LRP12: variants seen among roughly 807,000 people sequenced by gnomAD.
The protein encoded by LRP12 is low-density lipoprotein receptor-related protein 12.
In LRP12, 14 loss-of-function variants were observed where a neutral mutation model predicts 66.0. That is an observed-to-expected ratio of 0.21 (90% confidence interval 0.14 to 0.33). LRP12 has a LOEUF of 0.33. Ranked by LOEUF, LRP12 falls within the 10% of genes least tolerant of loss-of-function variation. The probability of loss-of-function intolerance (pLI) is 1.00; values close to 1 mark genes in which losing one functional copy is unlikely to be tolerated. For missense variants in LRP12, 889 were observed against 1,053.4 expected (o/e 0.84, Z 2.16); for synonymous variants, 357 against 359.1 (o/e 0.99, Z 0.07).
intron 1 of LRP12, among the ~76,000 whole-genome samples, chr8:104,560,373 T>C (rs150570789): frequency 6.8e-4 from 104 of 151,910 alleles, no homozygotes; most frequent in African/African-American, 2.1e-3. Context: ...TGCTTAGATA[T>C]AGTGGAAACA....
At position 104,588,964 on chromosome 8, in the gene LRP12, A is replaced by ACGCCGACGCCGC. The variant is rs1554712969; in HGVS notation, c.-79_-68dup. ...AGGGAGGAGAAGCTGGAGGTAGACGACGCCGACGCCGCCGCCGCCGCCGCC... is the reference window on the plus strand; with the variant it reads ...AGGGAGGAGAAGCTGGAGGTAGACGACGCCGACGCCGCCGCCGACGCCGCCGCCGCCGCCGCC... On this transcript the variant is annotated 5_prime_UTR_variant, in exon 1 of 7. Coordinates refer to ENST00000276654, the MANE Select transcript of LRP12 (RefSeq NM_013437.5). 18 of 905,914 alleles carry ACGCCGACGCCGC rather than the reference A, an allele frequency of 2.0e-5. No homozygotes were observed. In the East Asian group the frequency reaches 2.5e-4, roughly 12 times the overall value. The allele number at this position is 905,914 out of a possible 1,614,324, so 56.1% of individuals were successfully genotyped here.
rs549623393 is a variant in LRP12 at position 104,554,648 on chromosome 8, GGATAATCGGTGTTCCTGAGGAAGAATA to G, written c.80-22712_80-22686del. Among the ~76,000 whole-genome samples, 6 of 152,116 alleles carry G rather than the reference GGATAATCGGTGTTCCTGAGGAAGAATA, an allele frequency of 3.9e-5. No individual in the cohort carries two copies. The East Asian group carries it at 1.2e-3, about 29-fold the overall frequency. On this transcript the variant is annotated intron_variant, in intron 1 of 6. Coordinates refer to ENST00000276654, the MANE Select transcript of LRP12 (RefSeq NM_013437.5). ...GATTATGTTAAATGACCAAACCTAAGGATAATCGGTGTTCCTGAGGAAGAATAGAAATCTGAAAGTTTGGAAAACATA... is the reference window on the plus strand; with the variant it reads ...GATTATGTTAAATGACCAAACCTAAGGAAATCTGAAAGTTTGGAAAACATA...
chr8:104,542,114 A>C (rs1811487569), intron 1 of LRP12, among the ~76,000 whole-genome samples: 1 of 152,174 alleles, frequency 6.6e-6, no homozygotes, highest in Admixed American at 6.5e-5. Flanking sequence ...CATTCTGATC[A>C]GCAACACATA....
chr8:104,519,801 T>C (rs1056603752), intron 2 of LRP12, among the ~76,000 whole-genome samples: 1 of 152,088 alleles, frequency 6.6e-6, no homozygotes, highest in Non-Finnish European at 1.5e-5. Context: ...CAGCTGTTTA[T>C]AATTTAAATA....
rs762446208 is a variant in LRP12, at chr8:104,588,928, G to A, written c.-31C>T. 1.5e-5 allele frequency: 23 copies of A among 1,538,398 alleles called. No homozygotes were observed. The East Asian group carries it at 2.6e-4, about 17-fold the overall frequency. ...CAGCAGATGGAGAGAGAGAGGAGGAGACGGAGGAGGAGGGAGGAGAAGCTG... is the reference window on the plus strand; with the variant it reads ...CAGCAGATGGAGAGAGAGAGGAGGAAACGGAGGAGGAGGGAGGAGAAGCTG... On this transcript the variant is annotated 5_prime_UTR_variant, in exon 1 of 7. Coordinates refer to ENST00000276654, the MANE Select transcript of LRP12 (RefSeq NM_013437.5).
At chr8:104,588,572 G>A (rs574068071) in intron 1 of LRP12, among the ~76,000 whole-genome samples, 1 of 152,094 alleles carries the variant, frequency 6.6e-6, no homozygotes, top group African/African-American at 2.4e-5. Flanking sequence ...TCGCTCCGCC[G>A]GGGCCCTCCC....
At chr8:104,548,901 G>C (rs1811682697) in intron 1 of LRP12, among the ~76,000 whole-genome samples, 2 of 151,336 alleles carry the variant, frequency 1.3e-5, no homozygotes, top group African/African-American at 4.9e-5. Context: ...CTGCGCCATT[G>C]CACTCCAGCC....
rs758518367 is a variant in LRP12 at position 104,499,498 on chromosome 8, T to C, written c.294A>G (p.Gln98=). The change falls in exon 4 of 7, where the codon CAA becomes CAG. Residue 98 remains glutamine (Q), a synonymous_variant. Coordinates refer to ENST00000276654, the MANE Select transcript of LRP12 (RefSeq NM_013437.5). ...ITISFQDFDI[Q]GSRRCNLDWL... ...AGTCCAAATTGCACCTTCTGGATCCTTGAATATCAAAATCCTGAAAACTGA... is the reference window on the plus strand; with the variant it reads ...AGTCCAAATTGCACCTTCTGGATCCCTGAATATCAAAATCCTGAAAACTGA... 1.1e-5 allele frequency: 18 copies of C among 1,597,586 alleles called. No individual in the cohort carries two copies. Among genetic ancestry groups the C allele is most frequent in the Admixed American group, 1.1e-4 (6 of 55,268 alleles).
chr8:104,501,121 G>A (rs994008936), intron 3 of LRP12, among the ~76,000 whole-genome samples: 2 of 152,116 alleles, frequency 1.3e-5, no homozygotes, highest in Admixed American at 6.5e-5. Context: ...TATTTCTTAA[G>A]AACTCTACAT....
chr8:104,532,962 C>T (rs1811347368), intron 1 of LRP12, among the ~76,000 whole-genome samples: 1 of 152,012 alleles, frequency 6.6e-6, no homozygotes, highest in African/African-American at 2.4e-5. Flanking sequence ...GATATAGTGC[C>T]TGGCACATAG....
intron 3 of LRP12, among the ~76,000 whole-genome samples, chr8:104,502,324 A>C (rs1810838930): frequency 6.6e-6 from 1 of 152,200 alleles, no homozygotes; most frequent in African/African-American, 2.4e-5. Flanking sequence ...TGTGGGGTGC[A>C]GCAGCTGAAA....
intron 1 of LRP12, among the ~76,000 whole-genome samples, chr8:104,561,928 T>A (rs1355089273): frequency 6.6e-6 from 1 of 152,140 alleles, no homozygotes; most frequent in African/African-American, 2.4e-5. Context: ...TTGGATCCTT[T>A]CAGTGAGGAA....
intron 1 of LRP12, among the ~76,000 whole-genome samples, chr8:104,532,314 C>T (rs1588494411): frequency 1.3e-5 from 2 of 150,604 alleles, no homozygotes; most frequent in African/African-American, 4.9e-5. Context: ...CCCCTAAAAG[C>T]GTGTCCAAAT....
chr8:104,553,365 C>T (rs995039046), intron 1 of LRP12, among the ~76,000 whole-genome samples: 1 of 152,158 alleles, frequency 6.6e-6, no homozygotes, highest in African/African-American at 2.4e-5. Context: ...CAGCCTTGCT[C>T]ACCGGCTGCC....
At chr8:104,576,552 C>T (rs533152983) in intron 1 of LRP12, among the ~76,000 whole-genome samples, 3 of 152,202 alleles carry the variant, frequency 2.0e-5, no homozygotes, top group South Asian at 2.1e-4. Context: ...TTCAGACATG[C>T]GAATGCTGAA....
intron 1 of LRP12, among the ~76,000 whole-genome samples, chr8:104,536,363 T>G (rs2140866681): frequency 6.6e-6 from 1 of 152,206 alleles, no homozygotes; most frequent in East Asian, 1.9e-4. Context: ...CATCTGACAC[T>G]GTCACTTTTT....
At chr8:104,524,241 C>CAGA (rs1811195036) in intron 2 of LRP12, among the ~76,000 whole-genome samples, 1 of 96,784 alleles carries the variant, frequency 1.0e-5, no homozygotes, top group Non-Finnish European at 2.1e-5. Flanking sequence ...GACCCTGTCT[C>CAGA]AAAAAAAAAA....
At chr8:104,585,948 G>A (rs1812323906) in intron 1 of LRP12, among the ~76,000 whole-genome samples, 1 of 152,190 alleles carries the variant, frequency 6.6e-6, no homozygotes, top group Non-Finnish European at 1.5e-5. Context: ...ATCCCTATGT[G>A]AAAAATGACA....
rs760983685 is a variant in LRP12 at position 104,495,209 on chromosome 8, T to G, written c.1581A>C (p.Arg527Ser). Residue 527 changes from arginine to serine, a missense_variant and splice_region_variant, in exon 6 of 7, where the codon AGA becomes AGC. Physicochemically the swap from Arg to Ser is moderately radical, Grantham distance 110. Transcript: ENST00000276654. ...KLYSLRMFER[R>S]SFETQLSRVE... The stretch of plus-strand genomic sequence containing the variant: ...CTCTTGACAACTGTGTTTCAAATGA[T>G]CTTTGAGAGTAGATGGAAAGAAAAA... 2.5e-6 allele frequency: 4 copies of G among 1,608,300 alleles called. No individual in the cohort carries two copies. Among genetic ancestry groups the G allele is most frequent in the Non-Finnish European group, 3.4e-6 (4 of 1,178,050 alleles).
Sources: gnomAD v4.1 joint callset for allele counts (sites outside exome capture counted in the v4.1 genomes callset) on GRCh38, gnomAD v4.1.1 for gene constraint, MANE v1.5 for transcripts, NCBI Gene and HGNC (gene_info 2026-07-23, HGNC 2026-07-21) for gene names.